The following GPHN variants were observed in gnomAD, a reference collection of about 807,000 sequenced individuals.
The protein encoded by GPHN is gephyrin.
Under a neutral mutation model 95.5 loss-of-function variants are expected in GPHN, and 17 were observed. The ratio of observed to expected loss-of-function variants is 0.18; its 90% confidence interval spans 0.12 to 0.27. GPHN has a LOEUF of 0.27. Ranked by LOEUF, GPHN falls within the 10% of genes least tolerant of loss-of-function variation. GPHN has a pLI of 1.00. For missense variants in GPHN, 660 were observed against 978.1 expected (o/e 0.67, Z 4.34); for synonymous variants, 320 against 322.5 (o/e 0.99, Z 0.08).
At chr14:67,279,461 C>T in the GPHN span, 138 of 1,611,628 alleles carry the variant, frequency 8.6e-5, 1 homozygote, top group African/African-American at 1.3e-3. Context: ...CTCCAAAGAC[C>T]GGAATAGATA....
the GPHN span, among the ~76,000 whole-genome samples, chr14:67,406,041 T>C: frequency 6.6e-6 from 1 of 152,100 alleles, no homozygotes; most frequent in Non-Finnish European, 1.5e-5. Flanking sequence ...GGTAGATCAC[T>C]TAAAGTCAAG....
intron 10 of GPHN, among the ~76,000 whole-genome samples, chr14:67,035,419 A>T (rs890120571): frequency 6.6e-6 from 1 of 151,908 alleles, no homozygotes; most frequent in African/African-American, 2.4e-5. Context: ...AATAGAGAAT[A>T]AAAATACTAG....
intron 4 of GPHN, among the ~76,000 whole-genome samples, chr14:66,867,208 G>T (rs1270954340): frequency 3.9e-5 from 6 of 152,084 alleles, no homozygotes; most frequent in Non-Finnish European, 4.4e-5. Context: ...TCAAGTAAAA[G>T]TGAGATGCCT....
intron 19 of GPHN, 125 bp downstream of exon 19, chr14:67,159,613 T>C (rs1331038630): frequency 5.4e-6 from 4 of 744,218 alleles, no homozygotes; most frequent in South Asian, 1.4e-5. Context: ...AAAAGAAATA[T>C]AGTATTAGGA....
the GPHN span, among the ~76,000 whole-genome samples, chr14:67,409,763 G>A: frequency 7.2e-5 from 11 of 152,226 alleles, no homozygotes; most frequent in East Asian, 2.1e-3. Flanking sequence ...TCCAACGCAG[G>A]CCCTGCCCCA....
At chr14:66,648,061 G>A (rs1051816479) in intron 1 of GPHN, among the ~76,000 whole-genome samples, 1 of 152,070 alleles carries the variant, frequency 6.6e-6, no homozygotes, top group Non-Finnish European at 1.5e-5. Flanking sequence ...AGTGTGTTTT[G>A]GAGATAAGTT....
chr14:67,077,514 T>C (rs1214378012), intron 11 of GPHN, among the ~76,000 whole-genome samples: 3 of 152,172 alleles, frequency 2.0e-5, no homozygotes, highest in Non-Finnish European at 2.9e-5. Context: ...CCAAACAAAT[T>C]AACTATTAAT....
intron 2 of GPHN, among the ~76,000 whole-genome samples, chr14:66,699,370 TAAAA>T (rs1595596689): frequency 6.6e-6 from 1 of 151,642 alleles, no homozygotes; most frequent in East Asian, 1.9e-4. Context: ...AATAAATAAA[TAAAA>T]GAAAATAATT....
At chr14:66,692,536 C>A (rs544935472) in intron 2 of GPHN, among the ~76,000 whole-genome samples, 5 of 152,142 alleles carry the variant, frequency 3.3e-5, no homozygotes, top group Non-Finnish European at 7.4e-5. Flanking sequence ...CCTAAATTAT[C>A]CTGGCTCCTC....
chr14:67,317,473 A>G, the GPHN span: 4 of 1,604,242 alleles, frequency 2.5e-6, no homozygotes, highest in Non-Finnish European at 3.4e-6. Context: ...TGCCAATAAA[A>G]ATGATGGTAA....
chr14:67,273,757 T>G, the GPHN span, among the ~76,000 whole-genome samples: 1 of 152,250 alleles, frequency 6.6e-6, no homozygotes, highest in Non-Finnish European at 1.5e-5. Context: ...AAAGTGTTCC[T>G]GTTTCTCCAC....
chr14:66,857,423 A>G (rs563824662), intron 4 of GPHN, among the ~76,000 whole-genome samples: 157 of 152,254 alleles, frequency 1.0e-3, no homozygotes, highest in Non-Finnish European at 1.9e-3. Flanking sequence ...TAAGGGAACT[A>G]TTGAAAGTAA....
At chr14:67,573,648 G>A in the GPHN span, among the ~76,000 whole-genome samples, 1 of 152,212 alleles carries the variant, frequency 6.6e-6, no homozygotes, top group East Asian at 1.9e-4. This position sits in a 1 kb window ranked among gnomAD's most constrained non-coding sequence, Gnocchi z 4.8. Context: ...GCTATAACCA[G>A]AATCTAGAAT....
At position 67,048,447 on chromosome 14, in the gene GPHN, A is replaced by G. The variant is rs114407927; in HGVS notation, c.1007-10202A>G. ...CTGTAGGCTCATTAGAGAAACCTGT[A>G]GCATCAATTTGTGCCCACTTTAGAA... On this transcript the variant is annotated intron_variant, in intron 10 of 22. Coordinates refer to ENST00000478722, the MANE Select transcript of GPHN (RefSeq NM_020806.5). Among the ~76,000 whole-genome samples, 841 of 152,344 alleles carry G rather than the reference A, an allele frequency of 5.5e-3. 3 individuals are homozygous for G. The highest frequency in any genetic ancestry group is 0.019 in the African/African-American group (803 of 41,576).
At chr14:66,750,475 A>T (rs1232553573) in intron 2 of GPHN, among the ~76,000 whole-genome samples, 1 of 151,908 alleles carries the variant, frequency 6.6e-6, no homozygotes, top group Admixed American at 6.6e-5. Context: ...CCATGGTCTT[A>T]AGGCTCCAAA....
the GPHN span, among the ~76,000 whole-genome samples, chr14:67,525,452 T>C: frequency 9.9e-5 from 15 of 152,262 alleles, no homozygotes; most frequent in African/African-American, 3.4e-4. Flanking sequence ...GACATTTCAA[T>C]TGGATCCTTT....
intron 13 of GPHN, among the ~76,000 whole-genome samples, chr14:67,103,511 C>CTTTTTTTTTTTTTT: frequency 1.1e-4 from 6 of 53,394 alleles, no homozygotes; most frequent in Non-Finnish European, 2.0e-4. Context: ...GTTTCTTTCT[C>CTTTTTTTTTTTTTT]TTTTTTTTTT....
chr14:66,554,095 T>C (rs2059922864), intron 1 of GPHN, among the ~76,000 whole-genome samples: 1 of 152,160 alleles, frequency 6.6e-6, no homozygotes, highest in Non-Finnish European at 1.5e-5. Context: ...TTTGGCTGCT[T>C]ATCTGAAAGT....
At chr14:67,599,997 C>A in the GPHN span, 2 of 1,531,996 alleles carry the variant, frequency 1.3e-6, no homozygotes, top group African/African-American at 1.4e-5. Flanking sequence ...CTCCTTCGAG[C>A]GCGGGGAGGG....
Sources: allele counts gnomAD v4.1 joint callset (sites outside exome capture counted in the v4.1 genomes callset), GRCh38; gene constraint gnomAD v4.1.1; non-coding constraint Gnocchi (gnomAD v3.1); transcripts MANE v1.5; gene names NCBI Gene and HGNC (gene_info 2026-07-23, HGNC 2026-07-21).